Variants in CD99L2 observed in about 807,000 individuals in gnomAD.
The protein encoded by CD99L2 is CD99 antigen-like protein 2.
Under a neutral mutation model 27.3 loss-of-function variants are expected in CD99L2, and 24 were observed. The ratio of observed to expected loss-of-function variants is 0.88; its 90% CI spans 0.64 to 1.24. The LOEUF is 1.24. CD99L2 is among the 50% of genes most tolerant of loss of function. The pLI is 0.00. For missense variants in CD99L2, 255 were observed against 221.6 expected (o/e 1.15, Z -0.96); for synonymous variants, 97 against 87.9 (o/e 1.10, Z -0.58).
intron 1 of CD99L2, among the ~76,000 whole-genome samples, chrX:150,833,264 C>T (rs1891731336): frequency 9.0e-6 from 1 of 110,823 alleles, no homozygotes; most frequent in South Asian, 3.8e-4. Context: ...GTAAAAGACC[C>T]GTACCTCCTA....
At chrX:150,813,132 G>A (rs189442196) in intron 4 of CD99L2, among the ~76,000 whole-genome samples, 195 of 111,371 alleles carry the variant, frequency 1.8e-3, no homozygotes, top group African/African-American at 5.6e-3. Context: ...GTAATCATGG[G>A]ATACTTATGG....
At chrX:150,843,554 G>A (rs1260069601) in intron 1 of CD99L2, among the ~76,000 whole-genome samples, 1 of 110,372 alleles carries the variant, frequency 9.1e-6, no homozygotes, top group Non-Finnish European at 1.9e-5. Context: ...GGGAGGCTGA[G>A]GCAGGAGAAT....
chrX:150,783,797 A>G (rs189807406), intron 7 of CD99L2, among the ~76,000 whole-genome samples: 1 of 111,753 alleles, frequency 8.9e-6, no homozygotes, highest in Non-Finnish European at 1.9e-5. Flanking sequence ...GGGTGCTGCA[A>G]AGCAAGTTCC....
intron 4 of CD99L2, among the ~76,000 whole-genome samples, chrX:150,808,987 T>G (rs955959948): frequency 9.1e-6 from 1 of 110,207 alleles, no homozygotes; most frequent in Non-Finnish European, 1.9e-5. Flanking sequence ...AGAGAGAGAT[T>G]TGAAGCAAAG....
At chrX:150,874,860 ATT>A (rs2047206636) in intron 1 of CD99L2, among the ~76,000 whole-genome samples, 1 of 111,390 alleles carries the variant, frequency 9.0e-6, no homozygotes, top group Non-Finnish European at 1.9e-5. Context: ...ATGTTCCCCC[ATT>A]CTCCCAGACT....
rs1557422434 is a variant in CD99L2, at chrX:150,879,750, T to TTA, written c.67+18771_67+18772insTA. ...GGCGAAACCCTGTCTCTACAAAAAC[T>TTA]AAAAAAAAAAAAAAAAAAAAAAAAA... On this transcript the variant is annotated intron_variant, in intron 1 of 10. Transcript: ENST00000370377. 6.2e-3 allele frequency among the ~76,000 whole-genome samples: 120 copies of TTA among 19,385 alleles called. 4 individuals are homozygous for TTA. Among genetic ancestry groups the TTA allele is most frequent in the South Asian group, 0.01 (3 of 293 alleles). The allele number at this position is 19,385 out of a possible 115,157, so 16.8% of individuals were successfully genotyped here. A position where few individuals can be genotyped will look rare whatever the true frequency, so the allele number is the denominator to read the frequency against.
chrX:150,780,745 T>C (rs537714109), intron 7 of CD99L2, among the ~76,000 whole-genome samples: 2 of 111,745 alleles, frequency 1.8e-5, no homozygotes, highest in African/African-American at 6.5e-5. Flanking sequence ...TAAGAGTGTC[T>C]AATAAGACAT....
rs1164425422 is a variant in CD99L2, at chrX:150,816,192, G to T, written c.131-114C>A. ...GTAGAATATCCTTGTCTTGGTCCTTGAGGCCCCTCTAGCTAGGAGCTCCAG... is the reference window on the plus strand; with the variant it reads ...GTAGAATATCCTTGTCTTGGTCCTTTAGGCCCCTCTAGCTAGGAGCTCCAG... On this transcript the variant is annotated intron_variant, in intron 2 of 10. Coordinates refer to ENST00000370377, the MANE Select transcript of CD99L2 (RefSeq NM_031462.4). 4 of 679,241 alleles carry T rather than the reference G, an allele frequency of 5.9e-6. No individual in the cohort carries two copies. The African/African-American group carries it at 8.6e-5, about 15-fold the overall frequency. The allele number at this position is 679,241 out of a possible 1,213,427, so 56.0% of individuals were successfully genotyped here.
At chrX:150,873,413 G>A (rs1483426943) in intron 1 of CD99L2, among the ~76,000 whole-genome samples, 2 of 111,710 alleles carry the variant, frequency 1.8e-5, no homozygotes, top group Non-Finnish European at 3.8e-5. Context: ...TTGTGAGGTG[G>A]GACAAATATG....
intron 1 of CD99L2, among the ~76,000 whole-genome samples, chrX:150,834,633 T>G (rs1325194809): frequency 8.9e-6 from 1 of 112,482 alleles, no homozygotes; most frequent in African/African-American, 3.2e-5. Context: ...TTGTTAGGAA[T>G]GTAAATTAGT....
chrX:150,783,412 T>A (rs782454432), intron 7 of CD99L2, among the ~76,000 whole-genome samples: 1 of 111,334 alleles, frequency 9.0e-6, no homozygotes, highest in African/African-American at 3.3e-5. Flanking sequence ...CCTTTAACCC[T>A]GTGAACTACA....
At chrX:150,893,543 A>G (rs932711997) in intron 1 of CD99L2, among the ~76,000 whole-genome samples, 2 of 108,639 alleles carry the variant, frequency 1.8e-5, no homozygotes, top group African/African-American at 6.7e-5. Flanking sequence ...AAGGACCTTG[A>G]AAACAACCCC....
intron 2 of CD99L2, among the ~76,000 whole-genome samples, chrX:150,824,357 AGAAG>A (rs200200285): frequency 5.5e-5 from 5 of 91,283 alleles, no homozygotes; most frequent in African/African-American, 2.1e-4. Flanking sequence ...GGAAGAAGGA[AGAAG>A]GAAGAAGAAG....
At chrX:150,812,152 C>T (rs1258631273) in intron 4 of CD99L2, among the ~76,000 whole-genome samples, 1 of 111,342 alleles carries the variant, frequency 9.0e-6, no homozygotes, top group Non-Finnish European at 1.9e-5. Context: ...CAGAGTGAGA[C>T]CCTGTCTTGG....
At chrX:150,830,960 TAC>T (rs1569566029) in intron 2 of CD99L2, among the ~76,000 whole-genome samples, 16 of 108,633 alleles carry the variant, frequency 1.5e-4, no homozygotes, top group African/African-American at 5.0e-4. Context: ...AGGCATGCAA[TAC>T]CACACCCGGC....
At chrX:150,815,097 G>A (rs2124181408) in intron 3 of CD99L2, 161 bp from the exon 4 acceptor site, 2 of 472,124 alleles carry the variant, frequency 4.2e-6, no homozygotes, top group East Asian at 7.3e-5. Context: ...TACAGACATT[G>A]ATAATGAAAA....
intron 1 of CD99L2, among the ~76,000 whole-genome samples, chrX:150,860,041 G>A (rs781821748): frequency 3.6e-4 from 40 of 111,093 alleles, no homozygotes; most frequent in African/African-American, 1.2e-3. Flanking sequence ...GAAAACTACA[G>A]GCCAATATCC....
intron 1 of CD99L2, 118 bp downstream of exon 1, chrX:150,898,404 C>G (rs2047653360): frequency 3.8e-6 from 2 of 527,991 alleles, no homozygotes; most frequent in Non-Finnish European, 5.1e-6. Context: ...CCGGGCCGGC[C>G]GGTGGCAGCC....
intron 1 of CD99L2, among the ~76,000 whole-genome samples, chrX:150,882,203 A>AT (rs782539722): frequency 3.6e-5 from 4 of 111,452 alleles, no homozygotes; most frequent in Non-Finnish European, 5.7e-5. Context: ...GACCAAGGCC[A>AT]TTAGGCAGGA....
Sources: allele counts gnomAD v4.1 joint callset (sites outside exome capture counted in the v4.1 genomes callset), GRCh38; gene constraint gnomAD v4.1.1; transcripts MANE v1.5; gene names NCBI Gene and HGNC (gene_info 2026-07-23, HGNC 2026-07-21).